The following CATSPERE variants were observed in gnomAD, a reference collection of about 807,000 sequenced individuals.
The protein encoded by CATSPERE is catsper channel auxiliary subunit epsilon.
CATSPERE carries 93 observed loss-of-function variants against 114.1 expected under a neutral mutation model. The observed-to-expected ratio is 0.81, with a 90% CI of 0.69 to 0.97. CATSPERE has a LOEUF of 0.97. CATSPERE is among the 50% of genes least tolerant of loss of function. CATSPERE has a pLI of 0.00. For missense variants in CATSPERE, 1,058 were observed against 1,131.6 expected (o/e 0.93, Z 0.93); for synonymous variants, 341 against 384.1 (o/e 0.89, Z 1.31).
chr1:244,551,846 C>T (rs1251345417), intron 8 of CATSPERE, among the ~76,000 whole-genome samples: 1 of 151,928 alleles, frequency 6.6e-6, no homozygotes, highest in African/African-American at 2.4e-5. Flanking sequence ...GGGCGGATCA[C>T]GAGGTCAGGA....
At chr1:244,597,660 C>T (rs2148659552) in intron 17 of CATSPERE, among the ~76,000 whole-genome samples, 1 of 151,960 alleles carries the variant, frequency 6.6e-6, no homozygotes, top group South Asian at 2.1e-4. Context: ...TGGCAAAGCA[C>T]CATTGCCAAT....
intron 10 of CATSPERE, among the ~76,000 whole-genome samples, chr1:244,563,057 C>T (rs1662834718): frequency 6.6e-6 from 1 of 152,162 alleles, no homozygotes; most frequent in South Asian, 2.1e-4. Flanking sequence ...CTGCAAAGGA[C>T]ATGAATTCAG....
intron 8 of CATSPERE, among the ~76,000 whole-genome samples, chr1:244,528,168 T>C (rs1209190693): frequency 4.6e-5 from 7 of 152,202 alleles, no homozygotes; most frequent in Admixed American, 4.6e-4. Flanking sequence ...CCACCATGTG[T>C]CCATGTGTTC....
chr1:244,553,773 T>C (rs1014233646), intron 9 of CATSPERE, among the ~76,000 whole-genome samples: 7 of 152,088 alleles, frequency 4.6e-5, no homozygotes, highest in Non-Finnish European at 1.0e-4. Context: ...CTTATTCTTC[T>C]ATTTAACTGT....
chr1:244,486,635 C>T (rs1316492450), intron 5 of CATSPERE, among the ~76,000 whole-genome samples: 6 of 97,218 alleles, frequency 6.2e-5, no homozygotes, highest in South Asian at 7.5e-4. Flanking sequence ...TGTAGACCCT[C>T]GTAGTCACCT....
chr1:244,596,655 G>A (rs115564980), intron 17 of CATSPERE, among the ~76,000 whole-genome samples: 1,712 of 152,070 alleles, frequency 0.011, 33 homozygotes, highest in African/African-American at 0.037. Flanking sequence ...AATACCTCAC[G>A]CATGCGGGGC....
intron 17 of CATSPERE, among the ~76,000 whole-genome samples, chr1:244,596,864 A>G (rs1668510891): frequency 6.6e-6 from 1 of 152,066 alleles, no homozygotes; most frequent in Non-Finnish European, 1.5e-5. Context: ...GAGAATGAGG[A>G]ACATGAATGA....
Position 244,583,907 on chromosome 1 carries a change from G to C in CATSPERE, c.2053G>C (p.Glu685Gln), listed in dbSNP as rs759725004. 6.2e-7 allele frequency: 1 copy of C among 1,614,066 alleles called. No homozygotes were observed. Among genetic ancestry groups the C allele is most frequent in the Non-Finnish European group, 8.5e-7 (1 of 1,179,968 alleles). Residue 685 changes from glutamate to glutamine, a missense_variant, in exon 13 of 22, where the codon GAA becomes CAA. Physicochemically the swap from Glu to Gln is conservative, Grantham distance 29. Coordinates refer to ENST00000366534, the MANE Select transcript of CATSPERE (RefSeq NM_001130957.2). ...GLVLVQFRPS[E>Q]YSKACPIAQK... Reference sequence around the variant, plus strand: ...TGTGCTGGTTCAGTTTCGACCTAGTGAATATTCAAAAGCATGTCCAATAGC... The same window carrying C: ...TGTGCTGGTTCAGTTTCGACCTAGTCAATATTCAAAAGCATGTCCAATAGC...
intron 7 of CATSPERE, among the ~76,000 whole-genome samples, chr1:244,502,039 A>G (rs1161250052): frequency 6.6e-6 from 1 of 151,902 alleles, no homozygotes. Context: ...TAGGTCTCTA[A>G]TTAGGTGTCA....
rs1673567769 is a variant in CATSPERE at position 244,499,021 on chromosome 1, A to G, written c.371A>G (p.Tyr124Cys). 6.2e-7 allele frequency: 1 copy of G among 1,612,808 alleles called. No homozygotes were observed. The highest frequency in any genetic ancestry group is 1.1e-5 in the South Asian group (1 of 91,024). The change falls in exon 7 of 22, where the codon TAT becomes TGT. Residue 124 changes from tyrosine to cysteine, a missense_variant. Physicochemically the swap from Tyr to Cys is radical, Grantham distance 194 (BLOSUM62 -2). Coordinates refer to ENST00000366534, the MANE Select transcript of CATSPERE (RefSeq NM_001130957.2). ...TTCTAGCTTATCACTGTGTGGGCAT[A>G]TGATCCAGAAAGTGCAGATCCTGAT... ...NFTQLITVWA[Y>C]DPESADPDEL...
At chr1:244,546,382 T>G (rs1364622234) in intron 8 of CATSPERE, among the ~76,000 whole-genome samples, 3 of 152,208 alleles carry the variant, frequency 2.0e-5, no homozygotes, top group African/African-American at 7.2e-5. Flanking sequence ...AAGATTGGAA[T>G]AAATATCTAC....
rs1674219171 is a variant in CATSPERE at position 244,633,451 on chromosome 1, T to A, written c.2649-2038T>A. Reference sequence around the variant, plus strand: ...CAGCTGGGTTGTTTACTACTATGTATAATTTTTCCATATGGCCCACTTACA... The same window carrying A: ...CAGCTGGGTTGTTTACTACTATGTAAAATTTTTCCATATGGCCCACTTACA... On this transcript the variant is annotated intron_variant, in intron 20 of 21. Transcript: ENST00000366534. This position sits in a 1 kb window ranked among gnomAD's most constrained non-coding sequence, Gnocchi z 4.1. Among the ~76,000 whole-genome samples, 1 of 152,226 alleles carries A rather than the reference T, an allele frequency of 6.6e-6. No homozygotes were observed. The highest frequency in any genetic ancestry group is 1.5e-5 in the Non-Finnish European group (1 of 68,034).
chr1:244,558,203 G>A lies in CATSPERE; in HGVS notation c.1030-2465G>A, dbSNP rs147049796. On this transcript the variant is annotated intron_variant, in intron 9 of 21. Coordinates refer to ENST00000366534, the MANE Select transcript of CATSPERE (RefSeq NM_001130957.2). ...TTGCCCAGGCTGGAAGTGCAGTGGC[G>A]CAATCTCAGCTCACTGCAACCTCCG... Among the ~76,000 whole-genome samples, 838 of 142,882 alleles carry A rather than the reference G, an allele frequency of 5.9e-3. 9 individuals carry two copies. The highest frequency in any genetic ancestry group is 0.02 in the African/African-American group (785 of 38,386). 93.7% of individuals were successfully genotyped at this position (142,882 alleles called of 152,430 possible). A position where few individuals can be genotyped will look rare whatever the true frequency, so the allele number is the denominator to read the frequency against.
chr1:244,492,156 G>T (rs1228509990), intron 6 of CATSPERE, among the ~76,000 whole-genome samples: 27 of 148,304 alleles, frequency 1.8e-4, no homozygotes, highest in African/African-American at 4.8e-4. Context: ...GAGAATTTTA[G>T]ACCAATATCC....
intron 20 of CATSPERE, among the ~76,000 whole-genome samples, chr1:244,622,964 TATG>T (rs1373937104): frequency 1.3e-5 from 2 of 152,188 alleles, no homozygotes; most frequent in Non-Finnish European, 2.9e-5. Context: ...AGCCAGTAAT[TATG>T]ATTACCCTCA....
chr1:244,500,297 C>G (rs1468297460), intron 7 of CATSPERE, among the ~76,000 whole-genome samples: 1 of 152,048 alleles, frequency 6.6e-6, no homozygotes, highest in Non-Finnish European at 1.5e-5. Flanking sequence ...TGTAGTTTGC[C>G]TTTTCACTCT....
intron 12 of CATSPERE, among the ~76,000 whole-genome samples, chr1:244,582,113 AG>A (rs1267656370): frequency 2.0e-5 from 3 of 152,230 alleles, no homozygotes; most frequent in Non-Finnish European, 4.4e-5. Context: ...GCTGTTTCTT[AG>A]TTGAATAATT....
At chr1:244,558,357 C>A (rs1331506717) in intron 9 of CATSPERE, among the ~76,000 whole-genome samples, 2 of 151,960 alleles carry the variant, frequency 1.3e-5, no homozygotes, top group African/African-American at 4.8e-5. Context: ...GCCATGTTGG[C>A]CAGGCTGGTC....
intron 13 of CATSPERE, among the ~76,000 whole-genome samples, chr1:244,584,520 A>T (rs538804681): frequency 7.1e-6 from 1 of 141,246 alleles, no homozygotes; most frequent in South Asian, 2.1e-4. Flanking sequence ...CAGGTAACTG[A>T]ACAGTATTAT....
Sources: gnomAD v4.1 joint callset for allele counts (sites outside exome capture counted in the v4.1 genomes callset) on GRCh38, gnomAD v4.1.1 for gene constraint, Gnocchi (gnomAD v3.1) non-coding constraint, MANE v1.5 for transcripts, NCBI Gene and HGNC (gene_info 2026-07-23, HGNC 2026-07-21) for gene names.